Variants in PCDHGB5 observed in about 807,000 individuals in gnomAD.
PCDHGB5 encodes protocadherin gamma-B5.
Under a neutral mutation model 62.9 loss-of-function variants are expected in PCDHGB5, and 48 were observed. The observed-to-expected ratio is 0.76, with a 90% CI of 0.61 to 0.97. PCDHGB5 has a LOEUF of 0.97. Ranked by LOEUF, PCDHGB5 falls within the 50% of genes least tolerant of loss-of-function variation. PCDHGB5 has a pLI of 0.00. For missense variants in PCDHGB5, 1,118 were observed against 1,198.6 expected (o/e 0.93, Z 0.99); for synonymous variants, 474 against 511.2 (o/e 0.93, Z 0.98).
At position 141,487,144 on chromosome 5, in the gene PCDHGB5, C is replaced by T. The variant is rs2099640304; in HGVS notation, c.2398-7663C>T. The T allele has an allele frequency of 6.2e-7, 1 of 1,614,032 alleles. No homozygotes were observed. Among genetic ancestry groups the T allele is most frequent in the African/African-American group, 1.3e-5 (1 of 75,056 alleles). On this transcript the variant is annotated intron_variant, in intron 1 of 3. Coordinates refer to ENST00000617380, the MANE Select transcript of PCDHGB5 (RefSeq NM_018925.3). This position sits in a 1 kb window ranked among gnomAD's most constrained non-coding sequence, Gnocchi z 5.0. ...ATAGTGGTAGTCCACCACTCTCTAC[C>T]TCTGTTACTCTCTTAGTGTCCTTAG...
Position 141,489,752 on chromosome 5 carries a change from C to G in PCDHGB5, c.2398-5055C>G. ...GGCACCAATACTGTGAGCTTTTACA[C>G]TCTAAGCCCCAACAGCCACTTCTCT... On this transcript the variant is annotated intron_variant, in intron 1 of 3. Coordinates refer to ENST00000617380, the MANE Select transcript of PCDHGB5 (RefSeq NM_018925.3). This position sits in a 1 kb window ranked among gnomAD's most constrained non-coding sequence, Gnocchi z 4.5. The G allele has an allele frequency of 6.2e-7, 1 of 1,614,136 alleles. No individual in the cohort carries two copies. The highest frequency in any genetic ancestry group is 8.5e-7 in the Non-Finnish European group (1 of 1,179,972).
intron 3 of PCDHGB5, chr5:141,506,958 A>C (rs529190059): frequency 1.6e-3 from 239 of 152,280 alleles, no homozygotes; most frequent in African/African-American, 5.5e-3. Flanking sequence ...GAATCCTCTC[A>C]ATAGCTCTGC....
rs113107293 is a variant in PCDHGB5, at chr5:141,432,844, A to G, written c.2397+32320A>G. ...CAGACCTCACTCTGTACCTGGTGGTAGCGGTGGCCGCGGTCTCCTGCGTCT... is the reference window on the plus strand; with the variant it reads ...CAGACCTCACTCTGTACCTGGTGGTGGCGGTGGCCGCGGTCTCCTGCGTCT... On this transcript the variant is annotated intron_variant, in intron 1 of 3. Coordinates refer to ENST00000617380, the MANE Select transcript of PCDHGB5 (RefSeq NM_018925.3). This position sits in a 1 kb window ranked among gnomAD's most constrained non-coding sequence, Gnocchi z 6.0. 0.01 allele frequency: 16,860 copies of G among 1,614,178 alleles called. 121 individuals carry two copies. Among genetic ancestry groups the G allele is most frequent in the Non-Finnish European group, 0.012 (14,441 of 1,180,006 alleles).
intron 3 of PCDHGB5, among the ~76,000 whole-genome samples, chr5:141,505,926 G>T (rs114056147): frequency 6.6e-6 from 1 of 152,146 alleles, no homozygotes; most frequent in African/African-American, 2.4e-5. Flanking sequence ...TGGGCCTGGC[G>T]CTTGGAAGCC....
intron 1 of PCDHGB5, among the ~76,000 whole-genome samples, chr5:141,450,564 G>A (rs1397334260): frequency 2.0e-5 from 3 of 151,932 alleles, no homozygotes; most frequent in African/African-American, 7.3e-5. Context: ...TCGGCTCACT[G>A]CAACTTCTGC....
intron 1 of PCDHGB5, chr5:141,422,092 G>T: frequency 6.2e-7 from 1 of 1,611,520 alleles, no homozygotes; most frequent in Non-Finnish European, 8.5e-7. Context: ...GGAAAGCAAG[G>T]CTTCTGAAAT....
intron 1 of PCDHGB5, chr5:141,478,873 T>C: frequency 7.8e-7 from 1 of 1,274,424 alleles, no homozygotes; most frequent in African/African-American, 1.5e-5. Context: ...GATCAGAGTT[T>C]AGCTTGGTAT....
At chr5:141,502,512 T>C (rs1029375922) in intron 2 of PCDHGB5, among the ~76,000 whole-genome samples, 2 of 152,212 alleles carry the variant, frequency 1.3e-5, no homozygotes, top group East Asian at 1.9e-4. Context: ...CCTGTCCCAC[T>C]ATCAGTGATG....
chr5:141,501,132 G>T (rs371444727), intron 2 of PCDHGB5, among the ~76,000 whole-genome samples: 2 of 152,262 alleles, frequency 1.3e-5, no homozygotes, highest in East Asian at 3.9e-4. Flanking sequence ...CTCCCTAAGT[G>T]CTGGGATTAC....
intron 1 of PCDHGB5, chr5:141,404,241 C>A (rs960579159): frequency 6.2e-7 from 1 of 1,613,458 alleles, no homozygotes; most frequent in African/African-American, 1.3e-5. Context: ...AGAGGAACTC[C>A]GCCCCTGTCC....
intron 1 of PCDHGB5, chr5:141,400,729 A>G: frequency 1.5e-6 from 1 of 649,042 alleles, no homozygotes. Flanking sequence ...TTTACAAAGT[A>G]GTGAGAGTTT....
At chr5:141,501,298 C>CAG (rs2099807427) in intron 2 of PCDHGB5, among the ~76,000 whole-genome samples, 1 of 148,330 alleles carries the variant, frequency 6.7e-6, no homozygotes, top group Non-Finnish European at 1.5e-5. Context: ...TATACACACA[C>CAG]ACACACACAC....
intron 1 of PCDHGB5, among the ~76,000 whole-genome samples, chr5:141,436,478 A>G (rs1360229764): frequency 2.0e-5 from 3 of 152,220 alleles, no homozygotes; most frequent in Non-Finnish European, 4.4e-5. Context: ...TGTATCATAG[A>G]AGGATAGCAG....
intron 1 of PCDHGB5, chr5:141,422,204 GAGGTCTCTTTACCA>G: frequency 6.4e-7 from 1 of 1,562,138 alleles, no homozygotes. Flanking sequence ...CAAGATGGTG[GAGGTCTCTTTACCA>G]CCACGACGAT....
At chr5:141,404,446 G>A (rs1211285523) in intron 1 of PCDHGB5, 2 of 1,612,974 alleles carry the variant, frequency 1.2e-6, no homozygotes, top group East Asian at 2.2e-5. Context: ...CCATCCAAGG[G>A]TCTCCTCTCT....
chr5:141,419,415 C>A, intron 1 of PCDHGB5: 2 of 1,613,434 alleles, frequency 1.2e-6, no homozygotes, highest in Non-Finnish European at 1.7e-6. Flanking sequence ...GCGCAGCGCG[C>A]CTTCGACCAC....
At chr5:141,506,787 G>A (rs55775963) in intron 3 of PCDHGB5, among the ~76,000 whole-genome samples, 1,925 of 152,270 alleles carry the variant, frequency 0.013, 43 homozygotes, top group African/African-American at 0.044. Flanking sequence ...CTTATAAGGA[G>A]GCTGGCAGAG....
chr5:141,404,948 G>C, intron 1 of PCDHGB5: 2 of 1,613,956 alleles, frequency 1.2e-6, no homozygotes, highest in Non-Finnish European at 1.7e-6. Context: ...AGCCATAGCT[G>C]ACAGCATCCC....
At chr5:141,418,095 C>A (rs1246996867) in intron 1 of PCDHGB5, 1 of 1,614,006 alleles carries the variant, frequency 6.2e-7, no homozygotes, top group Middle Eastern at 1.7e-4. Context: ...AGCGTAGACG[C>A]GCAGAGCGGG....
Sources: allele counts gnomAD v4.1 joint callset (sites outside exome capture counted in the v4.1 genomes callset), GRCh38; gene constraint gnomAD v4.1.1; non-coding constraint Gnocchi (gnomAD v3.1); transcripts MANE v1.5; gene names NCBI Gene and HGNC (gene_info 2026-07-23, HGNC 2026-07-21).